Variants in UPP2 observed in about 807,000 individuals in gnomAD.
The protein encoded by UPP2 is uridine phosphorylase 2.
UPP2 carries 23 observed loss-of-function variants against 26.7 expected under a neutral mutation model. The observed-to-expected ratio is 0.86, with a 90% CI of 0.62 to 1.22. The LOEUF (loss-of-function observed/expected upper bound fraction) is 1.22, where lower values mean the gene tolerates loss of function less well. UPP2 is among the 50% of genes most tolerant of loss of function. The probability of loss-of-function intolerance (pLI) is 0.00; values close to 1 mark genes in which losing one functional copy is unlikely to be tolerated. For synonymous variants in UPP2, 127 were observed against 141.3 expected (o/e 0.90, Z 0.72); for missense variants, 387 against 396.7 (o/e 0.98, Z 0.21).
At chr2:158,025,177 G>A (rs949700134) in intron 3 of UPP2, among the ~76,000 whole-genome samples, 2 of 150,930 alleles carry the variant, frequency 1.3e-5, no homozygotes, top group Non-Finnish European at 3.0e-5. Flanking sequence ...ACTCCAGCCT[G>A]GGTGACAGAG....
At chr2:158,123,706 G>A (rs1683626060) in intron 5 of UPP2, 43 bp from the exon 6 acceptor site, 10 of 1,597,486 alleles carry the variant, frequency 6.3e-6, no homozygotes, top group Non-Finnish European at 8.5e-6. Context: ...ACTGTCAGTG[G>A]GGTGGGACAT....
At chr2:158,019,669 C>T (rs1283288856) in intron 3 of UPP2, among the ~76,000 whole-genome samples, 1 of 151,398 alleles carries the variant, frequency 6.6e-6, no homozygotes, top group East Asian at 1.9e-4. Flanking sequence ...CACACACACA[C>T]ACACACACAC....
At chr2:158,098,204 G>A (rs755275724), upstream of UPP2, among the ~76,000 whole-genome samples, 1 of 152,088 alleles carries the variant, frequency 6.6e-6, no homozygotes, top group Non-Finnish European at 1.5e-5. Context: ...GAGTAAGAGG[G>A]CAGGAGAAAT....
intron 3 of UPP2, among the ~76,000 whole-genome samples, chr2:158,053,750 C>G (rs1024609695): frequency 1.3e-5 from 2 of 152,142 alleles, no homozygotes; most frequent in African/African-American, 4.8e-5. Flanking sequence ...CACAGGATGT[C>G]TCACACATTA....
chr2:158,091,229 T>C (rs952171041), intron 3 of UPP2, among the ~76,000 whole-genome samples: 7 of 152,310 alleles, frequency 4.6e-5, no homozygotes, highest in Non-Finnish European at 7.4e-5. Flanking sequence ...CAAATATTTC[T>C]GTGTACTGGA....
At chr2:158,043,644 T>A (rs888050857) in intron 3 of UPP2, among the ~76,000 whole-genome samples, 3 of 152,216 alleles carry the variant, frequency 2.0e-5, no homozygotes, top group African/African-American at 7.2e-5. Context: ...TCAGGGGAGA[T>A]AATCATTCAA....
intron 2 of UPP2, among the ~76,000 whole-genome samples, chr2:158,009,031 T>C (rs1278112507): frequency 6.6e-6 from 1 of 152,170 alleles, no homozygotes; most frequent in African/African-American, 2.4e-5. Flanking sequence ...TTGAAATACA[T>C]GCAGACTACA....
intron 3 of UPP2, among the ~76,000 whole-genome samples, chr2:158,089,107 G>A (rs1682864653): frequency 6.6e-6 from 1 of 152,118 alleles, no homozygotes; most frequent in South Asian, 2.1e-4. Flanking sequence ...ATCAGGTGGG[G>A]GCAGGGTTAG....
At chr2:158,002,996 G>A (rs1316473357) in intron 2 of UPP2, among the ~76,000 whole-genome samples, 2 of 151,780 alleles carry the variant, frequency 1.3e-5, no homozygotes, top group Non-Finnish European at 2.9e-5. Context: ...AGGTCTAACT[G>A]CTGGTCCAGG....
At chr2:158,019,803 T>TA (rs1169579484) in intron 3 of UPP2, among the ~76,000 whole-genome samples, 3 of 152,132 alleles carry the variant, frequency 2.0e-5, no homozygotes. Context: ...AGTATATATA[T>TA]TTTTTAAGAC....
chr2:158,123,935 T>C, intron 6 of UPP2, 40 bp downstream of exon 6: 7 of 1,597,638 alleles, frequency 4.4e-6, no homozygotes, highest in Non-Finnish European at 6.0e-6. Flanking sequence ...ATTCTCCTCT[T>C]TCATGAAGCT....
At chr2:158,116,801 C>G (rs183690766) in intron 3 of UPP2, among the ~76,000 whole-genome samples, 6 of 152,286 alleles carry the variant, frequency 3.9e-5, no homozygotes, top group Non-Finnish European at 2.9e-5. Flanking sequence ...AAGTCCTAAA[C>G]TTGTTAATCT....
At chr2:158,022,106 G>T (rs1292912336) in intron 3 of UPP2, among the ~76,000 whole-genome samples, 1 of 151,840 alleles carries the variant, frequency 6.6e-6, no homozygotes, top group African/African-American at 2.4e-5. Context: ...TAGATGAGTG[G>T]CTTCTACATT....
chr2:158,032,103 T>C (rs1334423210), intron 3 of UPP2, among the ~76,000 whole-genome samples: 1 of 152,140 alleles, frequency 6.6e-6, no homozygotes, highest in African/African-American at 2.4e-5. Flanking sequence ...ATCAAAAGAA[T>C]TGGGGAATCT....
At chr2:158,121,701 A>G (rs999794040) in intron 5 of UPP2, 83 bp downstream of exon 5, 2 of 1,220,248 alleles carry the variant, frequency 1.6e-6, no homozygotes, top group Non-Finnish European at 2.3e-6. Context: ...TATATTAACA[A>G]CTCTACTTAA....
intron 3 of UPP2, among the ~76,000 whole-genome samples, chr2:158,033,988 T>G (rs1683963812): frequency 6.6e-6 from 1 of 152,202 alleles, no homozygotes; most frequent in Non-Finnish European, 1.5e-5. Context: ...CTTCAGGATT[T>G]GCTCTGGGGC....
chr2:158,102,084 C>G lies in UPP2; in HGVS notation c.21C>G (p.Ala7=). The change falls in exon 1 of 7, where the codon GCC becomes GCG. Residue 7 remains alanine (A), a synonymous_variant. Transcript: ENST00000005756. MASVIP[A]SNRSMRSDRN... ...AGAGAATGGCTTCAGTTATACCTGC[C>G]TCCAATAGGTCCATGAGATCTGACA... 6.2e-7 allele frequency: 1 copy of G among 1,613,462 alleles called. No individual in the cohort carries two copies. Among genetic ancestry groups the G allele is most frequent in the Non-Finnish European group, 8.5e-7 (1 of 1,179,734 alleles).
chr2:158,081,444 G>C (rs529436200), intron 3 of UPP2, among the ~76,000 whole-genome samples: 4 of 152,214 alleles, frequency 2.6e-5, no homozygotes, highest in African/African-American at 9.6e-5. Context: ...TCTACCAAAT[G>C]ATGCAGCAAT....
At chr2:158,094,957 G>C (rs141210090) in intron 3 of UPP2, among the ~76,000 whole-genome samples, 5 of 152,098 alleles carry the variant, frequency 3.3e-5, no homozygotes, top group African/African-American at 1.2e-4. Flanking sequence ...AGACTAACAC[G>C]GGCTTTAATC....
Sources: gnomAD v4.1 joint callset for allele counts (sites outside exome capture counted in the v4.1 genomes callset) on GRCh38, gnomAD v4.1.1 for gene constraint, MANE v1.5 for transcripts, NCBI Gene and HGNC (gene_info 2026-07-23, HGNC 2026-07-21) for gene names.